Variants in C5 observed in about 807,000 individuals in gnomAD.
C5 encodes C3 and PZP-like alpha-2-macroglobulin domain-containing protein 4.
In C5, 140 loss-of-function variants were observed where a neutral mutation model predicts 218.8. The observed-to-expected ratio is 0.64, with a 90% confidence interval of 0.56 to 0.74. The LOEUF (loss-of-function observed/expected upper bound fraction) is 0.74. Among genes scored for constraint, C5 ranks in the 30% least tolerant of loss-of-function variants. The probability of loss-of-function intolerance (pLI) is 0.00; values close to 1 mark genes in which losing one functional copy is unlikely to be tolerated. For missense variants in C5, 1,700 were observed against 1,969.6 expected, an observed-to-expected ratio of 0.86 and a Z score of 2.59; for synonymous variants, 614 against 682.3, an observed-to-expected ratio of 0.90 and a Z score of 1.56.
intron 33 of C5, among the ~76,000 whole-genome samples, chr9:120,968,766 T>C (rs376480666): frequency 6.6e-6 from 1 of 152,224 alleles, no homozygotes; most frequent in Admixed American, 6.5e-5. Context: ...GAGAATCTTT[T>C]ATATTTTTTT....
At chr9:120,959,051 G>C (rs1268404722) in intron 38 of C5, among the ~76,000 whole-genome samples, 5 of 151,986 alleles carry the variant, frequency 3.3e-5, no homozygotes, top group Admixed American at 1.3e-4. Context: ...GCCTCCCAAA[G>C]TGCTGGGACT....
At chr9:120,997,829 G>T in intron 20 of C5, 55 bp from the exon 21 acceptor site, 1 of 1,473,508 alleles carries the variant, frequency 6.8e-7, no homozygotes, top group Non-Finnish European at 9.4e-7. Flanking sequence ...TTGAGACAGA[G>T]TCTTGCTATG....
At chr9:121,072,812 T>TAAAAAAAAAA in the C5 span, among the ~76,000 whole-genome samples, 9 of 98,578 alleles carry the variant, frequency 9.1e-5, no homozygotes, top group South Asian at 3.3e-4. Context: ...TTCAAAAAAT[T>TAAAAAAAAAA]AAAAAAAAAA....
intron 20 of C5, among the ~76,000 whole-genome samples, chr9:121,002,310 GTGTGTGTATATA>G (rs1564146721): frequency 1.9e-5 from 1 of 53,568 alleles, no homozygotes; most frequent in East Asian, 8.6e-4. Flanking sequence ...ATATATATAT[GTGTGTGTATATA>G]TATATATATA....
intron 5 of C5, among the ~76,000 whole-genome samples, chr9:121,032,434 T>G (rs950185857): frequency 6.6e-6 from 1 of 152,228 alleles, no homozygotes; most frequent in Non-Finnish European, 1.5e-5. Context: ...TTTTTCCTGG[T>G]ATTTTATCTT....
intron 25 of C5, among the ~76,000 whole-genome samples, chr9:120,985,325 A>G (rs534949460): frequency 3.3e-5 from 5 of 152,328 alleles, no homozygotes; most frequent in African/African-American, 9.6e-5. Flanking sequence ...CATGTTTTAC[A>G]GTAGGGTCTG....
At chr9:121,062,298 A>T in the C5 span, among the ~76,000 whole-genome samples, 2 of 152,226 alleles carry the variant, frequency 1.3e-5, no homozygotes, top group African/African-American at 4.8e-5. Flanking sequence ...GTGAATGAGG[A>T]GGCAAGGAAT....
At chr9:120,997,238 G>A (rs549205784) in intron 21 of C5, among the ~76,000 whole-genome samples, 19 of 152,060 alleles carry the variant, frequency 1.2e-4, no homozygotes, top group Non-Finnish European at 1.9e-4. Context: ...AAAAAAAGAC[G>A]TGTACCAATT....
chr9:121,065,541 C>G, the C5 span, among the ~76,000 whole-genome samples: 1 of 152,156 alleles, frequency 6.6e-6, no homozygotes, highest in Non-Finnish European at 1.5e-5. Context: ...CTCATTGCAG[C>G]CTCAAACTCC....
At chr9:121,022,746 A>AT (rs2047377341) in intron 10 of C5, among the ~76,000 whole-genome samples, 1 of 151,374 alleles carries the variant, frequency 6.6e-6, no homozygotes, top group Admixed American at 6.6e-5. Flanking sequence ...ATAATGATAG[A>AT]TAAAAATCTA....
At chr9:121,019,429 A>T (rs2047344258) in intron 12 of C5, among the ~76,000 whole-genome samples, 1 of 152,222 alleles carries the variant, frequency 6.6e-6, no homozygotes, top group African/African-American at 2.4e-5. Flanking sequence ...GGTTTCACCA[A>T]CAGGCTTCAT....
At chr9:121,071,191 A>G in the C5 span, among the ~76,000 whole-genome samples, 1 of 152,034 alleles carries the variant, frequency 6.6e-6, no homozygotes, top group Non-Finnish European at 1.5e-5. Context: ...GTGGAGTCAC[A>G]CACCTGTAAT....
chr9:121,030,966 A>G lies in C5; in HGVS notation c.668-479T>C, dbSNP rs560693249. ...AGACAGTAAGAGGTGGGTGGATTCT[A>G]GATATACAGAGAAAATACAAAAACA... On this transcript the variant is annotated intron_variant, in intron 6 of 40. Coordinates refer to ENST00000223642, the MANE Select transcript of C5 (RefSeq NM_001735.3). Among the ~76,000 whole-genome samples, 14 of 152,266 alleles carry G rather than the reference A, an allele frequency of 9.2e-5. No homozygotes were observed. In the East Asian group the frequency reaches 2.5e-3, roughly 27 times the overall value.
At chr9:120,985,978 G>T (rs2047029844) in intron 25 of C5, among the ~76,000 whole-genome samples, 1 of 152,224 alleles carries the variant, frequency 6.6e-6, no homozygotes, top group East Asian at 1.9e-4. Flanking sequence ...ATAATAATCA[G>T]AACAAGACAT....
chr9:121,072,170 G>A, the C5 span, among the ~76,000 whole-genome samples: 1 of 152,146 alleles, frequency 6.6e-6, no homozygotes, highest in African/African-American at 2.4e-5. Context: ...ACATGGGACC[G>A]GTGAGTGCCC....
Position 121,025,570 on chromosome 9 carries a change from C to A in C5, c.884G>T (p.Gly295Val). ...AGAATCAAATGTGACTTGAGCAATT[C>A]CATTTATCAACTTTTTAAAAGGAGA... The part of the protein sequence containing the change: ...TAMQNTMLIN[G>V]IAQVTFDSET... The change falls in exon 9 of 41, where the codon GGA becomes GTA. Residue 295 changes from glycine to valine, a missense_variant. Physicochemically the swap from Gly to Val is moderately radical, Grantham distance 109 (BLOSUM62 -3). Transcript: ENST00000223642. 1 of 1,612,148 alleles carries A rather than the reference C, an allele frequency of 6.2e-7. No individual in the cohort carries two copies. Among genetic ancestry groups the A allele is most frequent in the South Asian group, 1.1e-5 (1 of 91,036 alleles).
At chr9:121,063,360 T>C in the C5 span, among the ~76,000 whole-genome samples, 1 of 152,080 alleles carries the variant, frequency 6.6e-6, no homozygotes, top group East Asian at 1.9e-4. Context: ...AAATACAGAA[T>C]TTCTATTTGG....
intron 40 of C5, 79 bp from the exon 41 acceptor site, chr9:120,952,947 G>A (rs990584454): frequency 2.3e-5 from 34 of 1,506,410 alleles, no homozygotes; most frequent in African/African-American, 4.1e-5. Context: ...TTTTTGAGAC[G>A]GAGTCTTGCT....
At chr9:121,064,777 T>C in the C5 span, among the ~76,000 whole-genome samples, 1 of 152,150 alleles carries the variant, frequency 6.6e-6, no homozygotes, top group Admixed American at 6.5e-5. Flanking sequence ...AAATATAAAA[T>C]AGTCTGGGCA....
Sources: gnomAD v4.1 joint callset for allele counts (sites outside exome capture counted in the v4.1 genomes callset) on GRCh38, gnomAD v4.1.1 for gene constraint, MANE v1.5 for transcripts, NCBI Gene and HGNC (gene_info 2026-07-23, HGNC 2026-07-21) for gene names.